Variants in ADCK5 observed in about 807,000 individuals in gnomAD.
ADCK5 encodes aarF domain containing kinase 5, also known as uncharacterized aarF domain-containing protein kinase 5.
ADCK5 carries 43 observed loss-of-function variants against 64.9 expected under a neutral mutation model. That is an observed-to-expected ratio of 0.66 (90% confidence interval 0.52 to 0.85). ADCK5 has a LOEUF of 0.85. ADCK5 is among the 40% of genes least tolerant of loss of function. ADCK5 has a pLI of 0.00. For synonymous variants in ADCK5, 434 were observed against 342.8 expected, an observed-to-expected ratio of 1.27 and a Z score of -2.94; for missense variants, 760 against 810.5, an observed-to-expected ratio of 0.94 and a Z score of 0.76.
At chr8:144,382,150 A>C (rs1819693512) in intron 2 of ADCK5, among the ~76,000 whole-genome samples, 1 of 144,930 alleles carries the variant, frequency 6.9e-6, no homozygotes, top group African/African-American at 2.6e-5. Context: ...ATGTGTGCTC[A>C]GGCACCTGCT....
In ADCK5 at chr8:144,390,966, G is replaced by A; in HGVS notation, c.453G>A (p.Gly151=). 6.2e-7 allele frequency: 1 copy of A among 1,613,016 alleles called. No individual in the cohort carries two copies. Among genetic ancestry groups the A allele is most frequent in the Non-Finnish European group, 8.5e-7 (1 of 1,179,978 alleles). The change falls in exon 5 of 15, where the codon GGG becomes GGA. Residue 151 remains glycine, a synonymous_variant. Coordinates refer to ENST00000308860, the MANE Select transcript of ADCK5 (RefSeq NM_174922.5). The part of the protein sequence containing the change: ...NGGLYVKLGQ[G]LCSFNHLLPP... Reference sequence around the variant, plus strand: ...GCCTCTACGTGAAGCTGGGCCAGGGGCTGTGCTCCTTCAACCACCTGCTTC... The same window carrying A: ...GCCTCTACGTGAAGCTGGGCCAGGGACTGTGCTCCTTCAACCACCTGCTTC...
rs561033526 is a variant in ADCK5, at chr8:144,379,500, C to A, written c.116+10C>A. ...GGGGCCTTCCTCCAAGGTAACGAGT[C>A]CTCCACGGGCATGCGCCTCTCACCC... On this transcript the variant is annotated intron_variant, in intron 2 of 14. Coordinates refer to ENST00000308860, the MANE Select transcript of ADCK5 (RefSeq NM_174922.5). 4 of 1,582,754 alleles carry A rather than the reference C, an allele frequency of 2.5e-6. No individual in the cohort carries two copies. Among genetic ancestry groups the A allele is most frequent in the Non-Finnish European group, 1.7e-6 (2 of 1,159,044 alleles).
Position 144,392,908 on chromosome 8 carries a change from G to A in ADCK5, c.1637+16G>A. 1.3e-6 allele frequency: 2 copies of A among 1,598,202 alleles called. No individual in the cohort carries two copies. The highest frequency in any genetic ancestry group is 1.7e-6 in the Non-Finnish European group (2 of 1,175,178). ...TGGCGCTCAGGTGAGTGGCCGCGGG[G>A]CAGGTGGGTGGCGGGGGCCTGCTCC... On this transcript the variant is annotated intron_variant, in intron 14 of 14. Transcript: ENST00000308860.
Position 144,389,162 on chromosome 8 carries a change from C to G in ADCK5, c.267-1509C>G, listed in dbSNP as rs546239285. 506 of 429,956 alleles carry G rather than the reference C, an allele frequency of 1.2e-3. 1 individual carries two copies. The highest frequency in any genetic ancestry group is 1.8e-3 in the Non-Finnish European group (377 of 211,482). 26.6% of individuals were successfully genotyped at this position (429,956 alleles called of 1,614,324 possible). ...CCAGGCCTGGGGACACCCCTCTACCCCATCCTCTTGCCTAAATCTCCCCCA... is the reference window on the plus strand; with the variant it reads ...CCAGGCCTGGGGACACCCCTCTACCGCATCCTCTTGCCTAAATCTCCCCCA... On this transcript the variant is annotated intron_variant, in intron 3 of 14. Coordinates refer to ENST00000308860, the MANE Select transcript of ADCK5 (RefSeq NM_174922.5).
intron 6 of ADCK5, 29 bp downstream of exon 6, chr8:144,391,303 G>GGGCT: frequency 6.2e-7 from 1 of 1,612,130 alleles, no homozygotes; most frequent in African/African-American, 1.3e-5. Flanking sequence ...GTTCAGCAGT[G>GGGCT]GGCTGGGGCG....
intron 3 of ADCK5, among the ~76,000 whole-genome samples, chr8:144,390,133 G>A (rs551293131): frequency 6.6e-6 from 1 of 151,742 alleles, no homozygotes; most frequent in Admixed American, 6.6e-5. Flanking sequence ...GCCCAGCTCT[G>A]CAGATCTTTT....
chr8:144,392,403 C>G, intron 12 of ADCK5, 42 bp from the exon 13 acceptor site: 1 of 1,491,916 alleles, frequency 6.7e-7, no homozygotes, highest in Non-Finnish European at 8.9e-7. Context: ...GGCGCGGAAC[C>G]CACTCAGAGC....
At chr8:144,383,004 G>C in intron 2 of ADCK5, 77 bp from the exon 3 acceptor site, 1 of 1,534,740 alleles carries the variant, frequency 6.5e-7, no homozygotes, top group Non-Finnish European at 8.8e-7. Flanking sequence ...ACGTGGTGCT[G>C]GGGGAGGTGG....
chr8:144,391,173 C>A lies in ADCK5; in HGVS notation c.583C>A (p.His195Asn), dbSNP rs782587295. The change falls in exon 6 of 15, where the codon CAC (histidine) becomes AAC (asparagine). Residue 195 changes from histidine to asparagine, a missense_variant. This residue lies in a region of ADCK5 where 427 missense variants were observed against 518.4 expected (regional missense o/e 0.82). Coordinates refer to ENST00000308860, the MANE Select transcript of ADCK5 (RefSeq NM_174922.5). ...CCTTGAGGACTTCCAGGCCCTCCCC[C>A]ACGAGCTCTTCCAGGAGTTTGACTA... Reference protein sequence around the residue: ...LFLEDFQALPHELFQEFDYQP... With the variant: ...LFLEDFQALPNELFQEFDYQP... The A allele has an allele frequency of 4.3e-6, 7 of 1,611,970 alleles. No individual in the cohort carries two copies. The highest frequency in any genetic ancestry group is 1.1e-5 in the South Asian group (1 of 91,076).
intron 2 of ADCK5, among the ~76,000 whole-genome samples, chr8:144,381,705 CAG>C (rs1482296258): frequency 6.7e-6 from 1 of 149,650 alleles, no homozygotes; most frequent in African/African-American, 2.5e-5. Flanking sequence ...GGTGTAGAAA[CAG>C]ATGTGTGCTC....
intron 3 of ADCK5, among the ~76,000 whole-genome samples, chr8:144,383,954 G>A (rs987592793): frequency 2.9e-5 from 4 of 136,546 alleles, no homozygotes; most frequent in Non-Finnish European, 6.1e-5. Flanking sequence ...GTGCAGTGGC[G>A]CAATCTCGGC....
Position 144,392,816 on chromosome 8 carries a change from C to A in ADCK5, c.1561C>A (p.Arg521=). ...GAGCCGCCTGGCGGGCGCCACGTAT[C>A]GGGGTGTCTACGGCACCAGCCTCCT... ...GWSRLAGATY[R]GVYGTSLLRH... The change falls in exon 14 of 15, where the codon CGG becomes AGG. Residue 521 remains arginine (R), a synonymous_variant. Coordinates refer to ENST00000308860, the MANE Select transcript of ADCK5 (RefSeq NM_174922.5). 1 of 1,593,174 alleles carries A rather than the reference C, an allele frequency of 6.3e-7. No homozygotes were observed. Among genetic ancestry groups the A allele is most frequent in the Non-Finnish European group, 8.5e-7 (1 of 1,174,516 alleles).
At chr8:144,385,833 G>A (rs1173536710) in intron 3 of ADCK5, among the ~76,000 whole-genome samples, 9 of 147,628 alleles carry the variant, frequency 6.1e-5, no homozygotes, top group African/African-American at 2.0e-4. Flanking sequence ...GCTTGGTGGC[G>A]GTTGCCTGTA....
chr8:144,391,902 CTGG>C, intron 9 of ADCK5, 36 bp downstream of exon 9: 1 of 1,610,022 alleles, frequency 6.2e-7, no homozygotes, highest in Non-Finnish European at 8.5e-7. Context: ...TCAGGGCGGG[CTGG>C]TGCTGTGTCC....
At position 144,392,879 on chromosome 8, in the gene ADCK5, G is replaced by C. The variant is rs782039585; in HGVS notation, c.1624G>C (p.Glu542Gln). The C allele has an allele frequency of 3.1e-6, 5 of 1,601,880 alleles. No homozygotes were observed. The South Asian group carries it at 5.6e-5, about 18-fold the overall frequency. Residue 542 changes from glutamate to glutamine, a missense_variant, in exon 14 of 15, where the codon GAA becomes CAA. Around this residue, in one of 2 missense-constraint regions of ADCK5, gnomAD observed 333 missense variants for 292.0 expected, o/e 1.14. Transcript: ENST00000308860. ...GGTCGTCTGGGAGATGCTCAAGTTT[G>C]AAGTGGCGCTCAGGTGAGTGGCCGC... ...AKVVWEMLKF[E>Q]VALRLETLAM...
At chr8:144,383,355 C>G in intron 3 of ADCK5, 125 bp downstream of exon 3, 21 of 1,351,098 alleles carry the variant, frequency 1.6e-5, no homozygotes, top group Non-Finnish European at 2.0e-5. Context: ...GCAGAGCTTG[C>G]TGAGGATTTT....
upstream of ADCK5, chr8:144,373,229 C>T (rs940210530): frequency 1.0e-4 from 16 of 153,236 alleles, no homozygotes; most frequent in African/African-American, 3.9e-4. Context: ...TGTTGGCGCC[C>T]GAGGATCCCT....
At position 144,391,837 on chromosome 8, in the gene ADCK5, A is replaced by G; in HGVS notation, c.985A>G (p.Ile329Val). The change falls in exon 9 of 15, where the codon ATC (isoleucine) becomes GTC (valine). Residue 329 changes from isoleucine (I) to valine (V), a missense_variant. By Grantham distance (29) the Ile-to-Val change is conservative. This residue lies in a region of ADCK5 where 427 missense variants were observed against 518.4 expected (regional missense o/e 0.82). Coordinates refer to ENST00000308860, the MANE Select transcript of ADCK5 (RefSeq NM_174922.5). ...AGCKVNDVEA[I>V]RSQGLAVHDI... Reference sequence around the variant, plus strand: ...CTGCAAGGTCAACGATGTGGAGGCCATCAGGAGCCAGGGGCTGGCAGTGCA... The same window carrying G: ...CTGCAAGGTCAACGATGTGGAGGCCGTCAGGAGCCAGGGGCTGGCAGTGCA... 6 of 1,448,808 alleles carry G rather than the reference A, an allele frequency of 4.1e-6. No homozygotes were observed. Among genetic ancestry groups the G allele is most frequent in the Non-Finnish European group, 5.5e-6 (6 of 1,089,390 alleles). The allele number at this position is 1,448,808 out of a possible 1,614,324, so 89.7% of individuals were successfully genotyped here.
chr8:144,382,638 C>T (rs1384242771), intron 2 of ADCK5, among the ~76,000 whole-genome samples: 1 of 152,226 alleles, frequency 6.6e-6, no homozygotes, highest in Admixed American at 6.5e-5. Flanking sequence ...TACTGTCATG[C>T]GACTCAGCAC....
Sources: allele counts gnomAD v4.1 joint callset (sites outside exome capture counted in the v4.1 genomes callset), GRCh38; gene constraint gnomAD v4.1.1; regional missense constraint gnomAD v4.1.1; transcripts MANE v1.5; gene names NCBI Gene and HGNC (gene_info 2026-07-23, HGNC 2026-07-21).